AHCTF1: variants seen among roughly 807,000 people sequenced by gnomAD.
The protein encoded by AHCTF1 is AT-hook containing transcription factor 1, also known as protein ELYS.
AHCTF1 carries 24 observed loss-of-function variants against 248.4 expected under a neutral mutation model. The observed-to-expected ratio is 0.10, with a 90% CI of 0.07 to 0.14. The LOEUF (loss-of-function observed/expected upper bound fraction) is 0.14, where lower values mean the gene tolerates loss of function less well. Among genes scored for constraint, AHCTF1 ranks in the 10% least tolerant of loss-of-function variants. The probability of loss-of-function intolerance (pLI) is 1.00; values close to 1 mark genes in which losing one functional copy is unlikely to be tolerated. For synonymous variants in AHCTF1, 786 were observed against 929.8 expected, an observed-to-expected ratio of 0.85 and a Z score of 2.81; for missense variants, 2,206 against 2,636.2, an observed-to-expected ratio of 0.84 and a Z score of 3.57.
chr1:246,910,999 A>G (rs1449784692), intron 4 of AHCTF1, among the ~76,000 whole-genome samples: 1 of 152,216 alleles, frequency 6.6e-6, no homozygotes, highest in Non-Finnish European at 1.5e-5. Flanking sequence ...TGTAATCATA[A>G]ATTACTTTTG....
Position 246,855,721 on chromosome 1 carries a change from T to C in AHCTF1, c.4354+9A>G. 1 of 1,596,214 alleles carries C rather than the reference T, an allele frequency of 6.3e-7. No homozygotes were observed. The highest frequency in any genetic ancestry group is 2.2e-5 in the East Asian group (1 of 44,494). ...GGAATAATCCTGAAGTCAAAATTAT[T>C]ATACATACATTTATTGTCATTTGCT... On this transcript the variant is annotated intron_variant, in intron 31 of 35. Transcript: ENST00000648844.
rs577070008 is a variant in AHCTF1, at chr1:246,862,218, C to T, written c.3541-65G>A. 298 of 1,262,158 alleles carry T rather than the reference C, an allele frequency of 2.4e-4. 1 individual carries two copies. The highest frequency in any genetic ancestry group is 5.9e-4 in the Middle Eastern group (3 of 5,112). The allele number at this position is 1,262,158 out of a possible 1,614,324, so 78.2% of individuals were successfully genotyped here. A position where few individuals can be genotyped will look rare whatever the true frequency, so the allele number is the denominator to read the frequency against. The stretch of plus-strand genomic sequence containing the variant: ...CTTATAGGCCGGGCGCGGTGGCTCA[C>T]GCCTGTAATCCCTGCACTTTGGGAG... On this transcript the variant is annotated intron_variant, in intron 27 of 35. Coordinates refer to ENST00000648844, the MANE Select transcript of AHCTF1 (RefSeq NM_001323342.2).
intron 33 of AHCTF1, among the ~76,000 whole-genome samples, chr1:246,845,756 C>T (rs948839368): frequency 2.0e-5 from 3 of 152,062 alleles, no homozygotes; most frequent in Non-Finnish European, 4.4e-5. Flanking sequence ...TTAAGGAGTT[C>T]AAAAGGCCTA....
At chr1:246,878,020 T>C (rs1663101766) in intron 21 of AHCTF1, among the ~76,000 whole-genome samples, 1 of 151,948 alleles carries the variant, frequency 6.6e-6, no homozygotes, top group South Asian at 2.1e-4. Flanking sequence ...TATAATTAAA[T>C]ATAGGTCTTG....
rs1163085312 is a variant in AHCTF1, at chr1:246,844,585, G to C, written c.6392-657C>G. ...AAAAATTTTTAAAAGATTAGCCAAT[G>C]TGGTGGTGCACGCCTGTGGTGTCAG... On this transcript the variant is annotated intron_variant, in intron 33 of 35. Transcript: ENST00000648844. Among the ~76,000 whole-genome samples the C allele has an allele frequency of 2.0e-5, 3 of 152,160 alleles. No individual in the cohort carries two copies. In the South Asian group the frequency reaches 6.2e-4, roughly 31 times the overall value.
intron 1 of AHCTF1, among the ~76,000 whole-genome samples, chr1:246,927,453 C>T (rs1214717729): frequency 1.3e-5 from 2 of 152,208 alleles, no homozygotes; most frequent in South Asian, 4.1e-4. Context: ...GGTGCCACTA[C>T]ACTCCAGCCT....
chr1:246,881,536 T>G (rs1333663639), intron 21 of AHCTF1, among the ~76,000 whole-genome samples: 1 of 152,128 alleles, frequency 6.6e-6, no homozygotes, highest in Non-Finnish European at 1.5e-5. Flanking sequence ...AAAAATTTTT[T>G]TTAAATAGAA....
chr1:246,864,929 G>A (rs1661857966), intron 26 of AHCTF1, among the ~76,000 whole-genome samples: 1 of 142,852 alleles, frequency 7.0e-6, no homozygotes, highest in Non-Finnish European at 1.5e-5. Flanking sequence ...ACAACCAAAA[G>A]TTAATTTTTT....
In AHCTF1 at chr1:246,870,246, A is replaced by G. The variant is rs543556187; in HGVS notation, c.3089-2435T>C. 4.4e-3 allele frequency among the ~76,000 whole-genome samples: 671 copies of G among 152,176 alleles called. 5 individuals are homozygous for G. The highest frequency in any genetic ancestry group is 7.0e-3 in the Non-Finnish European group (477 of 67,980). ...ATCACTTGAGGCCATGAGTTTGAGA[A>G]TAGCCTGGGCGACATAGTGAGGCCC... is the stretch of plus-strand genomic sequence containing the variant. On this transcript the variant is annotated intron_variant, in intron 24 of 35. Transcript: ENST00000648844.
At chr1:246,888,260 A>G in intron 18 of AHCTF1, 27 bp from the exon 19 acceptor site, 1 of 1,613,656 alleles carries the variant, frequency 6.2e-7, no homozygotes, top group Non-Finnish European at 8.5e-7. Context: ...TAAAACCTTC[A>G]GTGGATCTTA....
At chr1:246,913,142 G>A (rs942083937) in intron 4 of AHCTF1, 90 bp downstream of exon 4, 2 of 1,078,720 alleles carry the variant, frequency 1.9e-6, no homozygotes, top group African/African-American at 3.3e-5. Flanking sequence ...TTTTACTCCA[G>A]CTGCTATAAA....
chr1:246,845,365 T>TAA (rs146736366), intron 33 of AHCTF1, among the ~76,000 whole-genome samples: 7 of 151,174 alleles, frequency 4.6e-5, no homozygotes, highest in African/African-American at 1.5e-4. Flanking sequence ...ATATGATTCT[T>TAA]AAAAAAAAGA....
intron 33 of AHCTF1, among the ~76,000 whole-genome samples, chr1:246,846,424 T>C (rs1026075593): frequency 6.6e-6 from 1 of 151,954 alleles, no homozygotes; most frequent in Non-Finnish European, 1.5e-5. Flanking sequence ...TGAATACTCA[T>C]AAGAACCCCT....
chr1:246,875,286 C>A (rs1281529945), intron 24 of AHCTF1, among the ~76,000 whole-genome samples: 8 of 152,106 alleles, frequency 5.3e-5, no homozygotes, highest in Non-Finnish European at 1.2e-4. Flanking sequence ...CTCCCCTCTC[C>A]ATAAAACCCT....
At chr1:246,885,316 G>A (rs1202708528) in intron 21 of AHCTF1, among the ~76,000 whole-genome samples, 177 bp downstream of exon 21, 3 of 151,996 alleles carry the variant, frequency 2.0e-5, no homozygotes, top group Non-Finnish European at 4.4e-5. Context: ...CATATATGCA[G>A]GTTTTACATC....
chr1:246,846,444 G>GCACTACC (rs1660265959), intron 33 of AHCTF1, among the ~76,000 whole-genome samples: 1 of 152,002 alleles, frequency 6.6e-6, no homozygotes, highest in African/African-American at 2.4e-5. Context: ...TGTAAGGTAT[G>GCACTACC]CACTACCACA....
At chr1:246,931,507 C>A (rs1341509517) in intron 1 of AHCTF1, 71 bp downstream of exon 1, 14 of 405,654 alleles carry the variant, frequency 3.5e-5, no homozygotes, top group Non-Finnish European at 4.5e-5. Context: ...CCGCCGCCGC[C>A]GCCGCGGGTC....
chr1:246,931,087 C>A (rs1224655988), intron 1 of AHCTF1: 29 of 1,546,026 alleles, frequency 1.9e-5, no homozygotes, highest in Non-Finnish European at 2.4e-5. Flanking sequence ...AACCTCACGG[C>A]TGAGCCCCGA....
chr1:246,926,187 T>C (rs1666909069), intron 1 of AHCTF1, among the ~76,000 whole-genome samples: 1 of 152,156 alleles, frequency 6.6e-6, no homozygotes, highest in African/African-American at 2.4e-5. Flanking sequence ...GCTGGTGTCA[T>C]GCCTGCACAG....
Sources: gnomAD v4.1 joint callset for allele counts (sites outside exome capture counted in the v4.1 genomes callset) on GRCh38, gnomAD v4.1.1 for gene constraint, MANE v1.5 for transcripts, NCBI Gene and HGNC (gene_info 2026-07-23, HGNC 2026-07-21) for gene names.